COL6A6: variants seen among roughly 807,000 people sequenced by gnomAD.
COL6A6 encodes collagen type VI alpha 6 chain, also known as collagen alpha-6(VI) chain.
A neutral mutation model predicts 208.6 loss-of-function variants in COL6A6; 183 were observed. The ratio of observed to expected loss-of-function variants is 0.88; its 90% confidence interval spans 0.78 to 0.99. The LOEUF (loss-of-function observed/expected upper bound fraction) is 0.99. COL6A6 is among the 50% of genes least tolerant of loss of function. COL6A6 has a pLI of 0.00. For missense variants in COL6A6, 2,816 were observed against 2,815.2 expected (o/e 1.00, Z -0.01); for synonymous variants, 973 against 1,011.8 (o/e 0.96, Z 0.73).
Position 130,567,175 on chromosome 3 carries a change from G to C in COL6A6, c.1756G>C (p.Glu586Gln), listed in dbSNP as rs747684975. The C allele has an allele frequency of 2.5e-6, 4 of 1,613,728 alleles. No homozygotes were observed. In the East Asian group the frequency reaches 8.9e-5, roughly 36 times the overall value. ...NQTQLREIAG[E>Q]EKRVYYVHDF... ...AACACAGCTGAGAGAAATTGCAGGA[G>C]AGGAAAAGAGAGTGTATTACGTGCA... Residue 586 changes from glutamate (E) to glutamine (Q), a missense_variant, in exon 5 of 37, where the codon GAG becomes CAG. Coordinates refer to ENST00000358511, the MANE Select transcript of COL6A6 (RefSeq NM_001102608.3).
At chr3:130,573,911 A>G in intron 7 of COL6A6, 45 bp from the exon 8 acceptor site, 1 of 1,365,312 alleles carries the variant, frequency 7.3e-7, no homozygotes, top group Non-Finnish European at 1.0e-6. Flanking sequence ...GATTAAGGAA[A>G]GAATAACAAT....
chr3:130,588,003 T>A (rs1282486704), intron 11 of COL6A6, among the ~76,000 whole-genome samples: 1 of 152,198 alleles, frequency 6.6e-6, no homozygotes, highest in Non-Finnish European at 1.5e-5. Context: ...TAATCATAGA[T>A]CAGTTTTAAT....
Position 130,673,104 on chromosome 3 carries a change from G to A in COL6A6, c.6597-2098G>A, listed in dbSNP as rs373079867. Among the ~76,000 whole-genome samples the A allele has an allele frequency of 4.7e-5, 7 of 149,082 alleles. No homozygotes were observed. In the East Asian group the frequency reaches 5.9e-4, roughly 13 times the overall value. ...TGAGGTAGAAGAATTGCTTGAACCC[G>A]GGAGGCAGAGGTTGCAGTGAGCCGA... On this transcript the variant is annotated intron_variant, in intron 36 of 36. Transcript: ENST00000358511.
chr3:130,665,643 G>A (rs1021840850), intron 36 of COL6A6, among the ~76,000 whole-genome samples: 3 of 152,084 alleles, frequency 2.0e-5, no homozygotes, highest in Non-Finnish European at 4.4e-5. Flanking sequence ...TTTAAAATCC[G>A]CAAGTCTATA....
intron 31 of COL6A6, among the ~76,000 whole-genome samples, chr3:130,643,832 T>C (rs548445940): frequency 6.6e-6 from 1 of 152,322 alleles, no homozygotes; most frequent in South Asian, 2.1e-4. Flanking sequence ...GTAGAGAACA[T>C]TGGTCTCAAA....
chr3:130,579,340 T>C (rs2063368320), intron 8 of COL6A6, among the ~76,000 whole-genome samples: 1 of 152,216 alleles, frequency 6.6e-6, no homozygotes, highest in Admixed American at 6.5e-5. Context: ...CTTGGAAATA[T>C]ATAACCCCCT....
chr3:130,564,993 G>C lies in COL6A6; in HGVS notation c.662-1G>C, dbSNP rs375854230. 2 of 1,611,006 alleles carry C rather than the reference G, an allele frequency of 1.2e-6. No individual in the cohort carries two copies. Among genetic ancestry groups the C allele is most frequent in the Admixed American group, 3.3e-5 (2 of 59,772 alleles). ...GTGCTTGTTTATTTCTTGCCACACA[G>C]CTTGCCAAGGCCCTTCTATGGCCGA... is the stretch of plus-strand genomic sequence containing the variant. On this transcript the variant is annotated splice_acceptor_variant, in intron 3 of 36. Coordinates refer to ENST00000358511, the MANE Select transcript of COL6A6 (RefSeq NM_001102608.3). LOFTEE classifies it high-confidence loss of function.
At chr3:130,667,986 A>G (rs942828412) in intron 36 of COL6A6, among the ~76,000 whole-genome samples, 1 of 151,876 alleles carries the variant, frequency 6.6e-6, no homozygotes, top group Non-Finnish European at 1.5e-5. Flanking sequence ...AGGATAAAAA[A>G]ACAACAATGT....
chr3:130,523,423 A>G (rs1311939884), intron 1 of COL6A6, among the ~76,000 whole-genome samples: 1 of 152,146 alleles, frequency 6.6e-6, no homozygotes, highest in East Asian at 1.9e-4. Flanking sequence ...CTACTGAAGT[A>G]TCTGTTGTAT....
intron 22 of COL6A6, 135 bp downstream of exon 22, chr3:130,609,099 G>T: frequency 1.5e-6 from 1 of 674,430 alleles, no homozygotes. Context: ...AATAAAGTAA[G>T]GAAGCAACAC....
intron 1 of COL6A6, among the ~76,000 whole-genome samples, chr3:130,537,489 A>G (rs143213949): frequency 2.1e-4 from 32 of 152,248 alleles, no homozygotes; most frequent in African/African-American, 6.7e-4. Flanking sequence ...AGGTCAGACT[A>G]TTTTTCAAAG....
intron 29 of COL6A6, among the ~76,000 whole-genome samples, chr3:130,642,622 G>A (rs1427038846): frequency 1.3e-5 from 2 of 152,160 alleles, no homozygotes. Flanking sequence ...AGGCTTGTGT[G>A]CACCAAGCTT....
chr3:130,551,111 G>T lies in COL6A6; in HGVS notation c.-31-9223G>T, dbSNP rs940983508. ...ACATCTACATTCATCAAGGATCTTG[G>T]CCTGAAGCTTTTTTTTTTTCTGTGT... On this transcript the variant is annotated intron_variant, in intron 1 of 36. Transcript: ENST00000358511. Among the ~76,000 whole-genome samples the T allele has an allele frequency of 1.0e-4, 11 of 105,872 alleles. 1 individual carries two copies. The highest frequency in any genetic ancestry group is 2.2e-4 in the East Asian group (1 of 4,582). The allele number at this position is 105,872 out of a possible 152,430, so 69.5% of individuals were successfully genotyped here.
rs1347677287 is a variant in COL6A6 at position 130,563,435 on chromosome 3, G to A, written c.432G>A (p.Glu144=). The change falls in exon 3 of 37, where the codon GAG becomes GAA. Residue 144 remains glutamate (E), a synonymous_variant. Transcript: ENST00000358511. ...ILVVLASSES[E]DNVEEASKAL... ...TGGTCCTGGCTTCATCTGAGTCTGA[G>A]GATAATGTGGAAGAGGCATCAAAGG... 5.0e-6 allele frequency: 8 copies of A among 1,614,012 alleles called. No individual in the cohort carries two copies. The highest frequency in any genetic ancestry group is 1.7e-5 in the Admixed American group (1 of 60,026).
At chr3:130,523,597 T>C (rs1449647063) in intron 1 of COL6A6, among the ~76,000 whole-genome samples, 1 of 152,214 alleles carries the variant, frequency 6.6e-6, no homozygotes, top group South Asian at 2.1e-4. Context: ...GACACCTAAG[T>C]TGGTGCTCAA....
Position 130,626,548 on chromosome 3 carries a change from G to T in COL6A6, c.4941+1G>T. On this transcript the variant is annotated splice_donor_variant, in intron 25 of 36. Coordinates refer to ENST00000358511, the MANE Select transcript of COL6A6 (RefSeq NM_001102608.3). LOFTEE classifies it high-confidence loss of function. ...CTTTCCTGGTCCTCGTGGCTTGCAG[G>T]TTTGTATTTTGACACTAGTTTTGAT... 6.2e-7 allele frequency: 1 copy of T among 1,610,510 alleles called. No individual in the cohort carries two copies. Among genetic ancestry groups the T allele is most frequent in the Non-Finnish European group, 8.5e-7 (1 of 1,176,762 alleles).
chr3:130,520,446 A>AC (rs1711001268), intron 1 of COL6A6, among the ~76,000 whole-genome samples: 1 of 152,114 alleles, frequency 6.6e-6, no homozygotes, highest in African/African-American at 2.4e-5. Context: ...TCTTGAGGTG[A>AC]CCCCAAGGCC....
chr3:130,538,104 T>C (rs975242935), intron 1 of COL6A6, among the ~76,000 whole-genome samples: 1 of 152,174 alleles, frequency 6.6e-6, no homozygotes, highest in Non-Finnish European at 1.5e-5. Context: ...GAAAGCAATA[T>C]GATATAGTGG....
intron 10 of COL6A6, among the ~76,000 whole-genome samples, chr3:130,585,655 CCTCCGAGCCACAG>C (rs2063522603): frequency 6.6e-6 from 1 of 152,196 alleles, no homozygotes; most frequent in Admixed American, 6.5e-5. Flanking sequence ...AACCCCAAAG[CCTCCGAGCCACAG>C]CTCCTGGATG....
Sources: gnomAD v4.1 joint callset for allele counts (sites outside exome capture counted in the v4.1 genomes callset) on GRCh38, gnomAD v4.1.1 for gene constraint, MANE v1.5 for transcripts, NCBI Gene and HGNC (gene_info 2026-07-23, HGNC 2026-07-21) for gene names.